The following SLC17A6 variants were observed in gnomAD, a reference collection of about 807,000 sequenced individuals.
SLC17A6 encodes the protein solute carrier family 17 member 6, also known as vesicular glutamate transporter 2.
A neutral mutation model predicts 67.1 loss-of-function variants in SLC17A6; 35 were observed. That is an observed-to-expected ratio of 0.52 (90% CI 0.40 to 0.69). SLC17A6 has a LOEUF of 0.69. Among genes scored for constraint, SLC17A6 ranks in the 30% least tolerant of loss-of-function variants. The pLI is 0.00. For synonymous variants in SLC17A6, 285 were observed against 252.3 expected (o/e 1.13, Z -1.23); for missense variants, 588 against 723.9 (o/e 0.81, Z 2.15).
intron 7 of SLC17A6, among the ~76,000 whole-genome samples, chr11:22,369,023 T>C (rs1157794724): frequency 6.6e-6 from 1 of 152,044 alleles, no homozygotes; most frequent in Admixed American, 6.5e-5. Context: ...AGGTTTTCCA[T>C]TCAGGAATAA....
Position 22,338,504 on chromosome 11 carries a change from TG to T in SLC17A6, c.-28del. On this transcript the variant is annotated 5_prime_UTR_variant, in exon 1 of 12. Coordinates refer to ENST00000263160, the MANE Select transcript of SLC17A6 (RefSeq NM_020346.3). ...TTTCCTAGCAATCACTATTTAAATC[TG>T]GCAAGAACTGACAACAGTCTTTGCA... 6.6e-7 allele frequency: 1 copy of T among 1,511,256 alleles called. No homozygotes were observed. The allele number at this position is 1,511,256 out of a possible 1,614,324, so 93.6% of individuals were successfully genotyped here.
At chr11:22,343,467 A>C in intron 3 of SLC17A6, 102 bp downstream of exon 3, 2 of 959,782 alleles carry the variant, frequency 2.1e-6, no homozygotes, top group Non-Finnish European at 3.1e-6. Flanking sequence ...GGGTTTGAGG[A>C]CTCCCGGGCG....
intron 3 of SLC17A6, among the ~76,000 whole-genome samples, chr11:22,351,668 A>C (rs1401556173): frequency 6.6e-6 from 1 of 152,198 alleles, no homozygotes; most frequent in African/African-American, 2.4e-5. Context: ...TTCTTAAAAA[A>C]ATCACTATAT....
At position 22,367,005 on chromosome 11, in the gene SLC17A6, GAAAAAA is replaced by G. The variant is rs376547104; in HGVS notation, c.891+1331_891+1336del. Among the ~76,000 whole-genome samples, 3 of 78,830 alleles carry G rather than the reference GAAAAAA, an allele frequency of 3.8e-5. No homozygotes were observed. In the South Asian group the frequency reaches 1.7e-3, roughly 45 times the overall value. The allele number at this position is 78,830 out of a possible 152,430, so 51.7% of individuals were successfully genotyped here. ...TGGGCGACAAACAAGACTCCGTCTC[GAAAAAA>G]AAAAAAAAAAAAAAGGAGAACACTG... On this transcript the variant is annotated intron_variant, in intron 7 of 11. Coordinates refer to ENST00000263160, the MANE Select transcript of SLC17A6 (RefSeq NM_020346.3).
At chr11:22,353,721 G>A (rs537861660) in intron 3 of SLC17A6, among the ~76,000 whole-genome samples, 1 of 152,218 alleles carries the variant, frequency 6.6e-6, no homozygotes, top group Middle Eastern at 3.4e-3. Flanking sequence ...TTCCATTTTA[G>A]CAATGTTTCT....
At chr11:22,355,311 A>T (rs945273917) in intron 3 of SLC17A6, among the ~76,000 whole-genome samples, 1 of 152,190 alleles carries the variant, frequency 6.6e-6, no homozygotes, top group African/African-American at 2.4e-5. Flanking sequence ...TAAACAACGT[A>T]CTAGTTACAT....
chr11:22,355,305 C>T (rs1855983533), intron 3 of SLC17A6, among the ~76,000 whole-genome samples: 1 of 152,180 alleles, frequency 6.6e-6, no homozygotes, highest in Admixed American at 6.5e-5. Flanking sequence ...GGAAGTTAAA[C>T]AACGTACTAG....
intron 1 of SLC17A6, among the ~76,000 whole-genome samples, chr11:22,341,222 C>T (rs1410155221): frequency 6.6e-6 from 1 of 152,172 alleles, no homozygotes; most frequent in East Asian, 1.9e-4. Context: ...AAAGTTAGGC[C>T]CAAGCGGCCT....
rs1238628364 is a variant in SLC17A6 at position 22,352,897 on chromosome 11, G to C, written c.459-6516G>C. ...GATGGACTATTGAGGCACAGACTAAGAGGCTGATGCATTTCAATCAATTCT... is the reference window on the plus strand; with the variant it reads ...GATGGACTATTGAGGCACAGACTAACAGGCTGATGCATTTCAATCAATTCT... On this transcript the variant is annotated intron_variant, in intron 3 of 11. Coordinates refer to ENST00000263160, the MANE Select transcript of SLC17A6 (RefSeq NM_020346.3). 3.9e-5 allele frequency among the ~76,000 whole-genome samples: 6 copies of C among 152,216 alleles called. No individual in the cohort carries two copies. The East Asian group carries it at 5.8e-4, about 15-fold the overall frequency.
At chr11:22,341,188 T>G (rs182229333) in intron 1 of SLC17A6, among the ~76,000 whole-genome samples, 5 of 152,278 alleles carry the variant, frequency 3.3e-5, no homozygotes, top group Non-Finnish European at 1.5e-5. Context: ...CCTCACAAAA[T>G]GCAGACCCTG....
intron 3 of SLC17A6, among the ~76,000 whole-genome samples, chr11:22,349,746 A>T (rs1379547732): frequency 1.3e-5 from 2 of 152,214 alleles, no homozygotes; most frequent in African/African-American, 4.8e-5. Context: ...TTAATGATGT[A>T]TCAAGGGACT....
chr11:22,343,411 C>T, intron 3 of SLC17A6, 46 bp downstream of exon 3: 3 of 1,503,596 alleles, frequency 2.0e-6, no homozygotes, highest in South Asian at 1.2e-5. Flanking sequence ...GTGTTTGTTT[C>T]CTCCGAAGGG....
intron 3 of SLC17A6, among the ~76,000 whole-genome samples, chr11:22,356,488 T>C (rs1855994410): frequency 1.3e-5 from 2 of 152,190 alleles, no homozygotes; most frequent in South Asian, 4.1e-4. Context: ...TTACAGGGAA[T>C]TCAATGGATT....
At chr11:22,341,411 G>C in intron 1 of SLC17A6, 117 bp from the exon 2 acceptor site, 2 of 1,418,440 alleles carry the variant, frequency 1.4e-6, no homozygotes, top group Non-Finnish European at 1.9e-6. Context: ...CCCCGAGGGT[G>C]GGGGGAGGTC....
intron 6 of SLC17A6, 81 bp downstream of exon 6, chr11:22,362,906 C>A: frequency 1.0e-6 from 1 of 957,946 alleles, no homozygotes; most frequent in Non-Finnish European, 1.7e-6. Flanking sequence ...TGAGATCAAT[C>A]ACTAAATACA....
intron 3 of SLC17A6, among the ~76,000 whole-genome samples, chr11:22,350,307 G>A (rs1855924072): frequency 6.6e-6 from 1 of 152,060 alleles, no homozygotes; most frequent in Admixed American, 6.6e-5. Flanking sequence ...ACATCAATGT[G>A]CATAAAATAA....
In SLC17A6 at chr11:22,378,390, T is replaced by C. The variant is rs954992452; in HGVS notation, c.*650T>C. On this transcript the variant is annotated 3_prime_UTR_variant, in exon 12 of 12. Coordinates refer to ENST00000263160, the MANE Select transcript of SLC17A6 (RefSeq NM_020346.3). ...AAGAGAACATGTAAGTTGAGGGGTATGCTTCATGTTCTTCCATCCATTTAC... is the reference window on the plus strand; with the variant it reads ...AAGAGAACATGTAAGTTGAGGGGTACGCTTCATGTTCTTCCATCCATTTAC... 16 of 152,620 alleles carry C rather than the reference T, an allele frequency of 1.0e-4. No homozygotes were observed. Among genetic ancestry groups the C allele is most frequent in the African/African-American group, 3.6e-4 (15 of 41,464 alleles). The allele number at this position is 152,620 out of a possible 1,614,324, so 9.5% of individuals were successfully genotyped here. A position where few individuals can be genotyped will look rare whatever the true frequency, so the allele number is the denominator to read the frequency against.
At chr11:22,362,626 C>T (rs1856065886) in intron 5 of SLC17A6, 113 bp from the exon 6 acceptor site, 17 of 804,342 alleles carry the variant, frequency 2.1e-5, no homozygotes, top group Non-Finnish European at 1.1e-5. Flanking sequence ...GGGTGTGAGG[C>T]CCATGTACCT....
intron 3 of SLC17A6, among the ~76,000 whole-genome samples, chr11:22,350,207 C>T (rs1298342292): frequency 6.6e-6 from 1 of 152,118 alleles, no homozygotes; most frequent in Non-Finnish European, 1.5e-5. Flanking sequence ...GCTGCATTTG[C>T]CTTTCCAAAC....
Sources: gnomAD v4.1 joint callset for allele counts (sites outside exome capture counted in the v4.1 genomes callset) on GRCh38, gnomAD v4.1.1 for gene constraint, MANE v1.5 for transcripts, NCBI Gene and HGNC (gene_info 2026-07-23, HGNC 2026-07-21) for gene names.